Variants in TDRD7 observed in about 807,000 individuals in gnomAD.
TDRD7 encodes tudor domain containing 7.
TDRD7 carries 47 observed loss-of-function variants against 109.8 expected under a neutral mutation model. The observed-to-expected ratio is 0.43, with a 90% CI of 0.34 to 0.55. TDRD7 has a LOEUF of 0.55. Ranked by LOEUF, TDRD7 falls within the 20% of genes least tolerant of loss-of-function variation. The pLI is 0.03. For synonymous variants in TDRD7, 424 were observed against 457.3 expected (o/e 0.93, Z 0.93); for missense variants, 1,164 against 1,319.2 (o/e 0.88, Z 1.82).
rs114768157 is a variant in TDRD7 at position 97,419,632 on chromosome 9, G to A, written c.-7+7394G>A. ...GCAGACTCTGCAGTTCTCTGTCTCT[G>A]CCATGAATTTCTATTGAGTATCTCC... On this transcript the variant is annotated intron_variant, in intron 1 of 16. Coordinates refer to ENST00000355295, the MANE Select transcript of TDRD7 (RefSeq NM_014290.3). Among the ~76,000 whole-genome samples, 908 of 152,252 alleles carry A rather than the reference G, an allele frequency of 6.0e-3. 12 individuals carry two copies. Among genetic ancestry groups the A allele is most frequent in the African/African-American group, 0.021 (888 of 41,544 alleles).
intron 6 of TDRD7, among the ~76,000 whole-genome samples, chr9:97,458,218 C>T (rs1263840385): frequency 6.6e-6 from 1 of 152,052 alleles, no homozygotes; most frequent in African/African-American, 2.4e-5. Flanking sequence ...ACAGATGACA[C>T]GTTTCTGAGA....
At chr9:97,426,509 T>C (rs1416599573) in intron 1 of TDRD7, among the ~76,000 whole-genome samples, 1 of 152,188 alleles carries the variant, frequency 6.6e-6, no homozygotes, top group Non-Finnish European at 1.5e-5. Flanking sequence ...CACCTTGGCC[T>C]CCCAAAGCAT....
At chr9:97,417,718 A>G (rs1179675196) in intron 1 of TDRD7, among the ~76,000 whole-genome samples, 2 of 152,240 alleles carry the variant, frequency 1.3e-5, no homozygotes, top group African/African-American at 2.4e-5. Context: ...AATCTTCTGC[A>G]ATCCCCTGCC....
At chr9:97,478,042 G>A (rs1395060026) in intron 12 of TDRD7, among the ~76,000 whole-genome samples, 1 of 152,078 alleles carries the variant, frequency 6.6e-6, no homozygotes, top group Non-Finnish European at 1.5e-5. Flanking sequence ...TGGATCTTTT[G>A]AGGTCAGGAG....
chr9:97,470,199 A>T (rs1828887122), intron 8 of TDRD7, among the ~76,000 whole-genome samples: 4 of 152,220 alleles, frequency 2.6e-5, no homozygotes, highest in Non-Finnish European at 5.9e-5. Flanking sequence ...TGATATAGGC[A>T]TTATGATATT....
At chr9:97,494,006 A>G (rs767467463) in intron 16 of TDRD7, among the ~76,000 whole-genome samples, 1 of 152,164 alleles carries the variant, frequency 6.6e-6, no homozygotes, top group Non-Finnish European at 1.5e-5. Flanking sequence ...AGTTAACGCA[A>G]TCATCACAGG....
chr9:97,494,926 G>A (rs933091004), intron 16 of TDRD7, among the ~76,000 whole-genome samples: 1 of 151,972 alleles, frequency 6.6e-6, no homozygotes, highest in African/African-American at 2.4e-5. Flanking sequence ...GCCCAGGCTG[G>A]TCTCGAACTC....
chr9:97,418,138 G>C (rs951156371), intron 1 of TDRD7, among the ~76,000 whole-genome samples: 2 of 152,086 alleles, frequency 1.3e-5, no homozygotes, highest in African/African-American at 4.8e-5. Context: ...GAAAAATAAA[G>C]GGGGAGTGAA....
At chr9:97,490,128 A>G (rs1220487202) in intron 16 of TDRD7, among the ~76,000 whole-genome samples, 2 of 152,198 alleles carry the variant, frequency 1.3e-5, no homozygotes, top group African/African-American at 2.4e-5. Flanking sequence ...AAGAAATATA[A>G]AAGTTTTACT....
intron 6 of TDRD7, among the ~76,000 whole-genome samples, chr9:97,454,055 A>G (rs902031939): frequency 1.3e-5 from 2 of 152,236 alleles, no homozygotes; most frequent in South Asian, 4.1e-4. Context: ...CCTAATAGAC[A>G]TTTACAGAAC....
At chr9:97,419,941 G>T (rs1827871014) in intron 1 of TDRD7, among the ~76,000 whole-genome samples, 1 of 151,878 alleles carries the variant, frequency 6.6e-6, no homozygotes. Context: ...CTGAACCTTG[G>T]TTTTCACATC....
intron 6 of TDRD7, among the ~76,000 whole-genome samples, chr9:97,443,773 T>C (rs1355567526): frequency 6.6e-6 from 1 of 152,228 alleles, no homozygotes; most frequent in Admixed American, 6.5e-5. Context: ...GTTACATGGG[T>C]ATTTGCACAC....
intron 11 of TDRD7, among the ~76,000 whole-genome samples, chr9:97,474,377 C>T (rs1828975239): frequency 6.6e-6 from 1 of 152,144 alleles, no homozygotes; most frequent in South Asian, 2.1e-4. Flanking sequence ...CAAAGCACAT[C>T]AGGCACCTCA....
chr9:97,482,334 G>C (rs1012292077), intron 14 of TDRD7, among the ~76,000 whole-genome samples: 5 of 152,166 alleles, frequency 3.3e-5, no homozygotes, highest in Non-Finnish European at 5.9e-5. Flanking sequence ...ATTTGAAAGA[G>C]GGGTGCTTAC....
intron 6 of TDRD7, among the ~76,000 whole-genome samples, chr9:97,453,239 C>T (rs922009250): frequency 2.0e-5 from 3 of 152,054 alleles, no homozygotes; most frequent in African/African-American, 4.8e-5. Context: ...GCTTTACAGG[C>T]TCATCTGGGT....
chr9:97,421,179 CTATTTTG>C (rs922892732), intron 1 of TDRD7, among the ~76,000 whole-genome samples: 44 of 151,502 alleles, frequency 2.9e-4, no homozygotes, highest in African/African-American at 1.1e-3. Context: ...TTTCAAGGTA[CTATTTTG>C]CATGCCCACC....
rs367568709 is a variant in TDRD7 at position 97,460,435 on chromosome 9, G to C, written c.1113G>C (p.Val371=). 301 of 1,614,100 alleles carry C rather than the reference G, an allele frequency of 1.9e-4. No individual in the cohort carries two copies. The highest frequency in any genetic ancestry group is 2.4e-4 in the Non-Finnish European group (284 of 1,180,044). Residue 371 remains valine, a synonymous_variant, in exon 7 of 17, where the codon GTG becomes GTC. Transcript: ENST00000355295. ...AAGCATTTGAGGAAATGTACAAAGT[G>C]AAATTCCCTGAGGATGCCTTAAAAA... ...LPKAFEEMYK[V]KFPEDALKNL... is the part of the protein sequence containing the mutation.
At position 97,427,951 on chromosome 9, in the gene TDRD7, A is replaced by G. The variant is rs182107590; in HGVS notation, c.-6-509A>G. Among the ~76,000 whole-genome samples, 410 of 152,258 alleles carry G rather than the reference A, an allele frequency of 2.7e-3. 2 individuals are homozygous for G. Among genetic ancestry groups the G allele is most frequent in the Middle Eastern group, 6.8e-3 (2 of 294 alleles). On this transcript the variant is annotated intron_variant, in intron 1 of 16. Transcript: ENST00000355295. ...CCCCCGTTACTTTTGGCAAAAATGCAAACATGAGCATAATATAGTAGTCTC... is the reference window on the plus strand; with the variant it reads ...CCCCCGTTACTTTTGGCAAAAATGCGAACATGAGCATAATATAGTAGTCTC...
At chr9:97,461,142 A>G (rs1311449480) in intron 7 of TDRD7, among the ~76,000 whole-genome samples, 4 of 147,878 alleles carry the variant, frequency 2.7e-5, no homozygotes, top group Non-Finnish European at 6.0e-5. Context: ...CTCCATCTCA[A>G]AAAAAAAAAA....
Sources: allele counts gnomAD v4.1 joint callset (sites outside exome capture counted in the v4.1 genomes callset), GRCh38; gene constraint gnomAD v4.1.1; transcripts MANE v1.5; gene names NCBI Gene and HGNC (gene_info 2026-07-23, HGNC 2026-07-21).